The following MGST1 variants were observed in gnomAD, a reference collection of about 807,000 sequenced individuals.
MGST1 encodes glutathione S-transferase 12.
In MGST1, 5 loss-of-function variants were observed where a neutral mutation model predicts 8.9. The ratio of observed to expected loss-of-function variants is 0.56; its 90% CI spans 0.29 to 1.19. MGST1 has a LOEUF of 1.19. Ranked by LOEUF, MGST1 falls within the 50% of genes most tolerant of loss-of-function variation. The pLI is 0.08. For synonymous variants in MGST1, 54 were observed against 67.8 expected, an observed-to-expected ratio of 0.80 and a Z score of 1.00; for missense variants, 182 against 187.4, an observed-to-expected ratio of 0.97 and a Z score of 0.17.
At chr12:16,496,862 AT>A (rs1327816183) in intron 4 of MGST1, among the ~76,000 whole-genome samples, 3 of 152,178 alleles carry the variant, frequency 2.0e-5, no homozygotes, top group Non-Finnish European at 4.4e-5. Context: ...AGGAAAAAAA[AT>A]AAAAAGAAAA....
At chr12:16,512,698 C>T (rs1438297031) in intron 4 of MGST1, among the ~76,000 whole-genome samples, 1 of 152,136 alleles carries the variant, frequency 6.6e-6, no homozygotes, top group Non-Finnish European at 1.5e-5. Flanking sequence ...CTGGGATAAA[C>T]AGAAGCCGTG....
chr12:16,391,370 T>C (rs1940551975), intron 1 of MGST1, among the ~76,000 whole-genome samples: 2 of 144,758 alleles, frequency 1.4e-5, no homozygotes, highest in South Asian at 4.9e-4. Flanking sequence ...CCTGTGTCCA[T>C]GTGTTCTCAT....
chr12:16,393,337 C>T (rs1163956294), intron 1 of MGST1, among the ~76,000 whole-genome samples: 2 of 152,162 alleles, frequency 1.3e-5, no homozygotes, highest in Non-Finnish European at 1.5e-5. Context: ...TAGCTTCCTG[C>T]AGTTTCCTTC....
At chr12:16,489,203 C>T (rs530277313) in intron 4 of MGST1, among the ~76,000 whole-genome samples, 7 of 151,940 alleles carry the variant, frequency 4.6e-5, no homozygotes, top group African/African-American at 1.7e-4. Flanking sequence ...GATGAGGAAA[C>T]AATTTTGGGC....
intron 4 of MGST1, among the ~76,000 whole-genome samples, chr12:16,578,105 C>T (rs959213782): frequency 6.6e-6 from 1 of 152,066 alleles, no homozygotes. Flanking sequence ...GGCACCTCAT[C>T]GCCTCCCAGA....
intron 1 of MGST1, among the ~76,000 whole-genome samples, chr12:16,426,425 C>G (rs982305703): frequency 6.6e-6 from 1 of 152,156 alleles, no homozygotes; most frequent in African/African-American, 2.4e-5. Context: ...CTCTTCTTCC[C>G]TCTGCATTCT....
intron 4 of MGST1, among the ~76,000 whole-genome samples, chr12:16,570,557 G>A (rs1017007120): frequency 1.2e-4 from 18 of 152,230 alleles, no homozygotes; most frequent in African/African-American, 4.3e-4. Context: ...CATTTTCTTA[G>A]ATCTTTGTCA....
chr12:16,534,442 C>A (rs1177930523), intron 4 of MGST1, among the ~76,000 whole-genome samples: 1 of 152,130 alleles, frequency 6.6e-6, no homozygotes, highest in South Asian at 2.1e-4. Flanking sequence ...CCACTAGGTG[C>A]ATTTCTAATG....
intron 4 of MGST1, among the ~76,000 whole-genome samples, chr12:16,533,356 G>A (rs879682497): frequency 5.3e-5 from 8 of 152,082 alleles, no homozygotes; most frequent in Admixed American, 1.3e-4. Flanking sequence ...AATCAGCATC[G>A]CCTGTAGCCA....
At chr12:16,515,154 T>C (rs1941603900) in intron 4 of MGST1, among the ~76,000 whole-genome samples, 1 of 152,196 alleles carries the variant, frequency 6.6e-6, no homozygotes, top group Non-Finnish European at 1.5e-5. Context: ...CAGAAATTTA[T>C]GTTTATGAAA....
At position 16,576,578 on chromosome 12, in the gene MGST1, C is replaced by CAGTT. The variant is rs1491203821; in HGVS notation, n.483-12948_483-12945dup. On this transcript the variant is annotated intron_variant and non_coding_transcript_variant, in intron 4 of 4. Coordinates refer to the MGST1 transcript ENST00000538857. This position sits in a 1 kb window ranked among gnomAD's most constrained non-coding sequence, Gnocchi z 4.1. ...CTACTTCATCTTTCAGAATCTGTAT[C>CAGTT]AGTTACGTACCTGTTTGTCTCTTTC... 6.6e-6 allele frequency among the ~76,000 whole-genome samples: 1 copy of CAGTT among 152,184 alleles called. No individual in the cohort carries two copies. The highest frequency in any genetic ancestry group is 2.4e-5 in the African/African-American group (1 of 41,440).
At chr12:16,402,580 C>G (rs1309673462) in intron 1 of MGST1, among the ~76,000 whole-genome samples, 2 of 151,934 alleles carry the variant, frequency 1.3e-5, no homozygotes, top group East Asian at 1.9e-4. Flanking sequence ...GTACCATTTT[C>G]TTTTTTTTCT....
intron 1 of MGST1, among the ~76,000 whole-genome samples, chr12:16,388,724 A>G (rs991018): frequency 0.61 from 93,408 of 152,086 alleles, 29,874 homozygotes; most frequent in East Asian, 0.96. Context: ...GGAACCCTTC[A>G]AGCGACACTG....
intron 4 of MGST1, among the ~76,000 whole-genome samples, chr12:16,522,833 C>T (rs1941656701): frequency 6.6e-6 from 1 of 152,036 alleles, no homozygotes; most frequent in African/African-American, 2.4e-5. Flanking sequence ...CCTAGAGAAA[C>T]TTGGCCTTAG....
chr12:16,590,451 T>A (rs541544815), downstream of MGST1, among the ~76,000 whole-genome samples: 1 of 152,170 alleles, frequency 6.6e-6, no homozygotes, highest in East Asian at 1.9e-4. Context: ...GTTTTGTAAC[T>A]ATAAGATAAT....
intron 1 of MGST1, among the ~76,000 whole-genome samples, chr12:16,423,936 C>T (rs1036018889): frequency 1.3e-5 from 2 of 152,180 alleles, no homozygotes; most frequent in African/African-American, 4.8e-5. Flanking sequence ...GTTCTCCAGC[C>T]TCCCATTACT....
At chr12:16,375,004 T>C (rs2137029862) in intron 3 of MGST1, among the ~76,000 whole-genome samples, 1 of 152,248 alleles carries the variant, frequency 6.6e-6, no homozygotes, top group East Asian at 1.9e-4. Flanking sequence ...CTGCCGCCTC[T>C]TGAGTAGCTT....
intron 4 of MGST1, among the ~76,000 whole-genome samples, chr12:16,445,811 A>G (rs1053482816): frequency 4.6e-5 from 7 of 151,928 alleles, no homozygotes; most frequent in Non-Finnish European, 8.8e-5. Flanking sequence ...TACTTATGGC[A>G]GGATACACCA....
chr12:16,373,251 A>T (rs1325123246), intron 3 of MGST1, among the ~76,000 whole-genome samples: 1 of 151,762 alleles, frequency 6.6e-6, no homozygotes, highest in African/African-American at 2.4e-5. Context: ...GAGGTTGGGA[A>T]GGATAGTAGG....
Sources: gnomAD v4.1 joint callset for allele counts (sites outside exome capture counted in the v4.1 genomes callset) on GRCh38, gnomAD v4.1.1 for gene constraint, Gnocchi (gnomAD v3.1) non-coding constraint, MANE v1.5 for transcripts, NCBI Gene and HGNC (gene_info 2026-07-23, HGNC 2026-07-21) for gene names.